The following UBE2L3 variants were observed in gnomAD, a reference collection of about 807,000 sequenced individuals.
UBE2L3 encodes ubiquitin conjugating enzyme E2 L3, also known as ubiquitin-conjugating enzyme E2 L3.
UBE2L3 carries 1 observed loss-of-function variant against 17.8 expected under a neutral mutation model. The ratio of observed to expected loss-of-function variants is 0.06; its 90% CI spans 0.02 to 0.27. UBE2L3 has a LOEUF of 0.27. UBE2L3 is among the 10% of genes least tolerant of loss of function. The pLI, the probability that UBE2L3 is intolerant of heterozygous loss-of-function variation, is 1.00. For missense variants in UBE2L3, 40 were observed against 192.6 expected (o/e 0.21, Z 4.69); for synonymous variants, 44 against 68.5 (o/e 0.64, Z 1.76).
rs1284761635 is a variant in UBE2L3 at position 21,600,058 on chromosome 22, TC to T, written c.123+7105del. ...CGGGCGCGGTGGCTCATGCCAGTAA[TC>T]CCAGCACTTTGGGAGGCCGAGGCAA... On this transcript the variant is annotated intron_variant, in intron 2 of 3. Coordinates refer to ENST00000342192, the MANE Select transcript of UBE2L3 (RefSeq NM_003347.4). Among the ~76,000 whole-genome samples, 6 of 152,202 alleles carry T rather than the reference TC, an allele frequency of 3.9e-5. 1 individual carries two copies. Among genetic ancestry groups the T allele is most frequent in the African/African-American group, 1.4e-4 (6 of 41,456 alleles).
At chr22:21,562,037 C>T (rs1926450379) in intron 1 of UBE2L3, among the ~76,000 whole-genome samples, 1 of 152,060 alleles carries the variant, frequency 6.6e-6, no homozygotes, top group South Asian at 2.1e-4. Context: ...CTGGGGAACT[C>T]CTTCCATCCC....
rs57678378 is a variant in UBE2L3, at chr22:21,612,643, CTTTTT to C, written c.310+1624_310+1628del. Among the ~76,000 whole-genome samples the C allele has an allele frequency of 1.1e-3, 60 of 52,484 alleles. 2 individuals are homozygous for C. Among genetic ancestry groups the C allele is most frequent in the African/African-American group, 2.4e-3 (38 of 15,690 alleles). 34.4% of individuals were successfully genotyped at this position (52,484 alleles called of 152,430 possible). A position where few individuals can be genotyped will look rare whatever the true frequency, so the allele number is the denominator to read the frequency against. On this transcript the variant is annotated intron_variant, in intron 3 of 3. Coordinates refer to ENST00000342192, the MANE Select transcript of UBE2L3 (RefSeq NM_003347.4). ...CCCAGCCGATTTTTTCTTTTCTTTT[CTTTTT>C]TTTTTTTTTTTTTTTTTTTTTTTGA...
intron 3 of UBE2L3, among the ~76,000 whole-genome samples, chr22:21,617,481 G>A (rs1307511671): frequency 1.3e-5 from 2 of 152,110 alleles, no homozygotes; most frequent in Non-Finnish European, 2.9e-5. Flanking sequence ...TGCCCAGGCT[G>A]GTCTTGAACT....
At chr22:21,566,196 C>G, upstream of UBE2L3, among the ~76,000 whole-genome samples, 1 of 148,382 alleles carries the variant, frequency 6.7e-6, no homozygotes, top group Admixed American at 6.8e-5. Flanking sequence ...TGGTCTCAAA[C>G]TCCTGACCTC....
chr22:21,586,305 AC>A (rs1277853430), intron 1 of UBE2L3, among the ~76,000 whole-genome samples: 2 of 151,696 alleles, frequency 1.3e-5, no homozygotes, highest in Admixed American at 1.3e-4. Flanking sequence ...GGGAGTCTGC[AC>A]CCAGGCTGGA....
At chr22:21,562,369 T>C (rs1464515481) in intron 1 of UBE2L3, among the ~76,000 whole-genome samples, 2 of 144,598 alleles carry the variant, frequency 1.4e-5, no homozygotes, top group East Asian at 3.9e-4. Context: ...TAATTTTTTC[T>C]TTTTTTCTTT....
chr22:21,610,110 CA>C (rs1929401649), intron 2 of UBE2L3, among the ~76,000 whole-genome samples: 2 of 152,150 alleles, frequency 1.3e-5, no homozygotes, highest in Admixed American at 1.3e-4. Flanking sequence ...AAGGTGCCAA[CA>C]GATTCAGTGG....
intron 1 of UBE2L3, among the ~76,000 whole-genome samples, chr22:21,584,615 A>G (rs574723972): frequency 1.2e-4 from 18 of 151,572 alleles, no homozygotes; most frequent in African/African-American, 4.4e-4. Flanking sequence ...ATTTTTTTGT[A>G]GAGATGAGGT....
At chr22:21,584,552 G>T (rs1159959201) in intron 1 of UBE2L3, among the ~76,000 whole-genome samples, 2 of 151,882 alleles carry the variant, frequency 1.3e-5, no homozygotes, top group Non-Finnish European at 2.9e-5. Context: ...CACCCAGACT[G>T]GAGTGCAGTG....
At chr22:21,559,097 A>G (rs953007760) in intron 1 of UBE2L3, among the ~76,000 whole-genome samples, 2 of 151,662 alleles carry the variant, frequency 1.3e-5, no homozygotes, top group Admixed American at 1.3e-4. Context: ...CTCTAATCTC[A>G]GCAGTTTGGG....
At chr22:21,585,351 A>T (rs1293564817) in intron 1 of UBE2L3, among the ~76,000 whole-genome samples, 1 of 152,102 alleles carries the variant, frequency 6.6e-6, no homozygotes, top group African/African-American at 2.4e-5. Flanking sequence ...TCTTTACTGG[A>T]TCTCTAAAAT....
At chr22:21,565,296 G>A (rs1241170996), upstream of UBE2L3, among the ~76,000 whole-genome samples, 2 of 151,174 alleles carry the variant, frequency 1.3e-5, no homozygotes, top group African/African-American at 4.9e-5. Flanking sequence ...GTTTCACCGT[G>A]TTAGCCAGGA....
chr22:21,568,849 C>G (rs1407146705), intron 1 of UBE2L3, among the ~76,000 whole-genome samples: 5 of 152,194 alleles, frequency 3.3e-5, no homozygotes, highest in African/African-American at 1.2e-4. Context: ...GCCACAGTCT[C>G]TGAGCATTCC....
At chr22:21,568,425 C>T in intron 1 of UBE2L3, 1 of 985,400 alleles carries the variant, frequency 1.0e-6, no homozygotes, top group Non-Finnish European at 1.2e-6. Context: ...GATCGCGGCG[C>T]GGTTCTGCTT....
At chr22:21,567,710 A>T (rs1343152631), upstream of UBE2L3, 8 of 1,571,568 alleles carry the variant, frequency 5.1e-6, no homozygotes, top group Admixed American at 1.4e-4. Flanking sequence ...GCCGGCCGCG[A>T]TGCATTCTGG....
intron 2 of UBE2L3, among the ~76,000 whole-genome samples, chr22:21,598,594 C>T (rs1169426055): frequency 6.8e-6 from 1 of 147,334 alleles, no homozygotes; most frequent in Admixed American, 6.8e-5. Context: ...TGCAGTGGCT[C>T]ACACCTATAT....
At chr22:21,559,720 T>G (rs1301945191) in intron 1 of UBE2L3, among the ~76,000 whole-genome samples, 4 of 151,824 alleles carry the variant, frequency 2.6e-5, no homozygotes, top group Non-Finnish European at 5.9e-5. Flanking sequence ...CCCTCACCCA[T>G]GCCCACCACC....
intron 1 of UBE2L3, among the ~76,000 whole-genome samples, chr22:21,587,910 A>G (rs756113272): frequency 6.6e-6 from 1 of 152,060 alleles, no homozygotes; most frequent in African/African-American, 2.4e-5. Flanking sequence ...GTTCCCCTCT[A>G]TACACTGAAG....
intron 2 of UBE2L3, among the ~76,000 whole-genome samples, chr22:21,604,498 A>G (rs1929044327): frequency 6.6e-6 from 1 of 152,176 alleles, no homozygotes; most frequent in Non-Finnish European, 1.5e-5. Flanking sequence ...CTCTATCTCT[A>G]AATAAATAGA....
Sources: allele counts gnomAD v4.1 joint callset (sites outside exome capture counted in the v4.1 genomes callset), GRCh38; gene constraint gnomAD v4.1.1; transcripts MANE v1.5; gene names NCBI Gene and HGNC (gene_info 2026-07-23, HGNC 2026-07-21).